DCC: variants seen among roughly 807,000 people sequenced by gnomAD.
DCC encodes DCC netrin 1 receptor.
Under a neutral mutation model 172.5 loss-of-function variants are expected in DCC, and 58 were observed. The observed-to-expected ratio is 0.34, with a 90% CI of 0.27 to 0.42. DCC has a LOEUF of 0.42. DCC is among the 10% of genes least tolerant of loss of function. The probability of loss-of-function intolerance (pLI) is 1.00; values close to 1 mark genes in which losing one functional copy is unlikely to be tolerated. For synonymous variants in DCC, 709 were observed against 644.5 expected (o/e 1.10, Z -1.52); for missense variants, 1,740 against 1,791.0 (o/e 0.97, Z 0.51).
intron 12 of DCC, among the ~76,000 whole-genome samples, chr18:53,288,876 A>G (rs1218065998): frequency 6.6e-6 from 1 of 152,154 alleles, no homozygotes. Flanking sequence ...GTAGATCAGA[A>G]TTGACCTGAC....
rs73459705 is a variant in DCC, at chr18:52,755,549, C to T, written c.412+3175C>T. Among the ~76,000 whole-genome samples the T allele has an allele frequency of 6.6e-3, 998 of 152,256 alleles. 11 individuals are homozygous for T. Among genetic ancestry groups the T allele is most frequent in the African/African-American group, 0.023 (954 of 41,552 alleles). ...CCATGCTGTTTGGCAACACAGAATA[C>T]ATCAATGTTATGTCTGCTGAGGTTA... On this transcript the variant is annotated intron_variant, in intron 2 of 28. Coordinates refer to ENST00000442544, the MANE Select transcript of DCC (RefSeq NM_005215.4).
intron 1 of DCC, among the ~76,000 whole-genome samples, chr18:52,389,911 T>C (rs55803305): frequency 0.089 from 13,541 of 152,146 alleles, 746 homozygotes; most frequent in South Asian, 0.16. Context: ...ATTGAGAAAC[T>C]ATTAAGTACT....
At chr18:52,523,293 G>T (rs1456231150) in intron 1 of DCC, among the ~76,000 whole-genome samples, 1 of 152,126 alleles carries the variant, frequency 6.6e-6, no homozygotes, top group African/African-American at 2.4e-5. Context: ...CTAGGAGTGG[G>T]CCAGGATGAT....
At chr18:53,085,778 T>C (rs2042870584) in intron 7 of DCC, among the ~76,000 whole-genome samples, 1 of 151,734 alleles carries the variant, frequency 6.6e-6, no homozygotes, top group African/African-American at 2.4e-5. Flanking sequence ...ACTTAGACCA[T>C]ACAAAGTTAC....
At chr18:52,978,479 G>A (rs1267854891) in intron 5 of DCC, among the ~76,000 whole-genome samples, 6 of 152,084 alleles carry the variant, frequency 3.9e-5, no homozygotes, top group Admixed American at 1.3e-4. Flanking sequence ...ATTGAGTACC[G>A]AACAATTTTC....
chr18:52,781,473 T>C (rs191561109), intron 2 of DCC, among the ~76,000 whole-genome samples: 40 of 152,254 alleles, frequency 2.6e-4, no homozygotes, highest in Non-Finnish European at 4.7e-4. Flanking sequence ...GTTGAATACT[T>C]CTATGCAAGT....
intron 1 of DCC, among the ~76,000 whole-genome samples, chr18:52,415,987 C>T (rs1319538839): frequency 1.3e-5 from 2 of 151,900 alleles, no homozygotes; most frequent in Non-Finnish European, 2.9e-5. Flanking sequence ...TTGGATCTTT[C>T]CTGCTTTCTC....
chr18:52,936,996 T>C (rs931322976), intron 5 of DCC, among the ~76,000 whole-genome samples: 5 of 152,126 alleles, frequency 3.3e-5, no homozygotes, highest in African/African-American at 4.8e-5. Context: ...TATGGACTCA[T>C]TTTTATTTTA....
intron 5 of DCC, among the ~76,000 whole-genome samples, chr18:52,993,091 T>A (rs549943621): frequency 6.6e-6 from 1 of 152,168 alleles, no homozygotes; most frequent in Non-Finnish European, 1.5e-5. Flanking sequence ...TTTTTCTAAA[T>A]GATTGTTCTA....
intron 1 of DCC, among the ~76,000 whole-genome samples, chr18:52,578,206 C>T (rs2144771652): frequency 6.6e-6 from 1 of 152,250 alleles, no homozygotes. Context: ...TCATATGTCT[C>T]TTATGCAGAC....
At chr18:52,962,632 G>T (rs2040860589) in intron 5 of DCC, among the ~76,000 whole-genome samples, 1 of 151,806 alleles carries the variant, frequency 6.6e-6, no homozygotes, top group Non-Finnish European at 1.5e-5. Flanking sequence ...TATAAATCAT[G>T]CTGCTATAAA....
chr18:52,953,653 C>A (rs1203738184), intron 5 of DCC, among the ~76,000 whole-genome samples: 2 of 152,178 alleles, frequency 1.3e-5, no homozygotes, highest in African/African-American at 4.8e-5. Flanking sequence ...CTACGGCAGG[C>A]AGAAAGCTTC....
chr18:52,661,489 A>C (rs1319904547), intron 1 of DCC, among the ~76,000 whole-genome samples: 1 of 152,200 alleles, frequency 6.6e-6, no homozygotes, highest in Non-Finnish European at 1.5e-5. Flanking sequence ...GTGAGATCCC[A>C]CAGCCGTCGC....
intron 13 of DCC, among the ~76,000 whole-genome samples, chr18:53,306,630 T>C (rs1055370408): frequency 6.6e-6 from 1 of 152,240 alleles, no homozygotes; most frequent in Non-Finnish European, 1.5e-5. Context: ...GCTTACTGAT[T>C]ACTCTGCACC....
intron 13 of DCC, 82 bp from the exon 14 acceptor site, chr18:53,321,965 T>C: frequency 1.3e-6 from 1 of 796,610 alleles, no homozygotes; most frequent in African/African-American, 1.7e-5. Flanking sequence ...TTGTTACAAT[T>C]TTGCTGAAGC....
intron 1 of DCC, among the ~76,000 whole-genome samples, chr18:52,347,536 AT>A (rs1350645255): frequency 6.6e-6 from 1 of 152,106 alleles, no homozygotes; most frequent in Non-Finnish European, 1.5e-5. Flanking sequence ...TATAAAATAT[AT>A]TTTGTCTACA....
Position 52,903,874 on chromosome 18 carries a change from T to A in DCC, c.413-2170T>A, listed in dbSNP as rs1713626044. Among the ~76,000 whole-genome samples, 5 of 152,362 alleles carry A rather than the reference T, an allele frequency of 3.3e-5. No individual in the cohort carries two copies. The South Asian group carries it at 1.0e-3, about 32-fold the overall frequency. On this transcript the variant is annotated intron_variant, in intron 2 of 28. Coordinates refer to ENST00000442544, the MANE Select transcript of DCC (RefSeq NM_005215.4). ...ATACCTGAGCCAATCTGTAGTAGAT[T>A]AACGTACTTCTTTGGAATAGACACA...
At chr18:52,386,855 ATAAGC>A (rs1343499514) in intron 1 of DCC, among the ~76,000 whole-genome samples, 1 of 152,096 alleles carries the variant, frequency 6.6e-6, no homozygotes, top group Non-Finnish European at 1.5e-5. Context: ...ACCTTTCACC[ATAAGC>A]TCAATGTCCT....
chr18:53,298,137 T>A (rs1398787622), intron 12 of DCC, among the ~76,000 whole-genome samples: 3 of 152,150 alleles, frequency 2.0e-5, no homozygotes, highest in Non-Finnish European at 4.4e-5. Flanking sequence ...ATGTAATCAT[T>A]AGTATAATTA....
Sources: gnomAD v4.1 joint callset for allele counts (sites outside exome capture counted in the v4.1 genomes callset) on GRCh38, gnomAD v4.1.1 for gene constraint, MANE v1.5 for transcripts, NCBI Gene and HGNC (gene_info 2026-07-23, HGNC 2026-07-21) for gene names.